The following MYOM3 variants were observed in gnomAD, a reference collection of about 807,000 sequenced individuals.
The protein encoded by MYOM3 is myomesin 3.
Under a neutral mutation model 191.7 loss-of-function variants are expected in MYOM3, and 155 were observed. That is an observed-to-expected ratio of 0.81 (90% confidence interval 0.71 to 0.92). The LOEUF is 0.92. Ranked by LOEUF, MYOM3 falls within the 40% of genes least tolerant of loss-of-function variation. The probability of loss-of-function intolerance (pLI) is 0.00; values close to 1 mark genes in which losing one functional copy is unlikely to be tolerated. For synonymous variants in MYOM3, 757 were observed against 762.9 expected (o/e 0.99, Z 0.13); for missense variants, 1,889 against 1,890.6 (o/e 1.00, Z 0.02).
At chr1:24,100,675 A>G (rs1570885552) in intron 5 of MYOM3, among the ~76,000 whole-genome samples, 1 of 152,180 alleles carries the variant, frequency 6.6e-6, no homozygotes, top group Non-Finnish European at 1.5e-5. Flanking sequence ...TCACGAGGTC[A>G]GGAGCTCGAG....
intron 4 of MYOM3, 61 bp from the exon 5 acceptor site, chr1:24,106,138 C>A: frequency 6.6e-7 from 1 of 1,505,324 alleles, no homozygotes; most frequent in Non-Finnish European, 8.9e-7. Context: ...GCCATCTTTG[C>A]CATTACCTCC....
Position 24,065,938 on chromosome 1 carries a change from C to A in MYOM3, c.3487G>T (p.Gly1163Cys), listed in dbSNP as rs778320314. The change falls in exon 29 of 37, where the codon GGT becomes TGT. Residue 1163 changes from glycine to cysteine, a missense_variant. Coordinates refer to ENST00000374434, the MANE Select transcript of MYOM3 (RefSeq NM_152372.4). Reference sequence around the variant, plus strand: ...GTTCCCGTCTCTGGGTCATACTGACCATCTGGCATCTCTGCCCTCTGGAAG... The same window carrying A: ...GTTCCCGTCTCTGGGTCATACTGACAATCTGGCATCTCTGCCCTCTGGAAG... ...WFFQRAEMPDGQYDPETGTGL... is the reference protein window; with the variant it reads ...WFFQRAEMPDCQYDPETGTGL... 2 of 1,614,162 alleles carry A rather than the reference C, an allele frequency of 1.2e-6. No individual in the cohort carries two copies. The highest frequency in any genetic ancestry group is 8.5e-7 in the Non-Finnish European group (1 of 1,179,996).
chr1:24,064,437 T>G (rs973851083), intron 29 of MYOM3, among the ~76,000 whole-genome samples: 4 of 152,068 alleles, frequency 2.6e-5, no homozygotes, highest in African/African-American at 4.8e-5. Flanking sequence ...ACACCTTCGT[T>G]TGCATTCACA....
At position 24,063,682 on chromosome 1, in the gene MYOM3, T is replaced by C. The variant is rs932494112; in HGVS notation, c.3623-152A>G. 2.3e-6 allele frequency: 2 copies of C among 852,874 alleles called. No individual in the cohort carries two copies. Among genetic ancestry groups the C allele is most frequent in the African/African-American group, 3.4e-5 (2 of 59,648 alleles). The allele number at this position is 852,874 out of a possible 1,614,324, so 52.8% of individuals were successfully genotyped here. On this transcript the variant is annotated intron_variant, in intron 30 of 36. Coordinates refer to ENST00000374434, the MANE Select transcript of MYOM3 (RefSeq NM_152372.4). This position sits in a 1 kb window ranked among gnomAD's most constrained non-coding sequence, Gnocchi z 4.5. ...TAGGATGACTCTCATAGCTTGGGGA[T>C]AGGAGGGGGTTCAGGGCACTCAGCA...
intron 20 of MYOM3, among the ~76,000 whole-genome samples, chr1:24,076,507 C>CTTTTT (rs558326490): frequency 1.3e-3 from 62 of 49,106 alleles, no homozygotes; most frequent in Non-Finnish European, 1.5e-3. Flanking sequence ...CCTAATGTTT[C>CTTTTT]TTTTTTTTTT....
At chr1:24,108,708 C>T in intron 1 of MYOM3, 54 bp from the exon 2 acceptor site, 1 of 1,370,484 alleles carries the variant, frequency 7.3e-7, no homozygotes, top group Non-Finnish European at 9.8e-7. Context: ...TATCCCCTCC[C>T]ATGCAGTCTT....
In MYOM3 at chr1:24,067,057, CT is replaced by C. The variant is rs1351857998; in HGVS notation, c.3386del (p.Lys1129ArgfsTer10). The C allele has an allele frequency of 6.3e-7, 1 of 1,579,672 alleles. No homozygotes were observed. The highest frequency in any genetic ancestry group is 8.6e-7 in the Non-Finnish European group (1 of 1,160,680). On this transcript the variant is annotated frameshift_variant, in exon 28 of 37. Coordinates refer to ENST00000374434, the MANE Select transcript of MYOM3 (RefSeq NM_152372.4). LOFTEE classifies it high-confidence loss of function. Reference protein sequence around the residue: ...GPYFERPLQWKVTEDCQVQLT... With the variant: ...GPYFERPLQWXVTEDCQVQLT... ...GCTGCACTTGGCAGTCCTCCGTGACCTTCCACTGCAACGGCCGCTCAAAATA... is the reference window on the plus strand; with the variant it reads ...GCTGCACTTGGCAGTCCTCCGTGACCTCCACTGCAACGGCCGCTCAAAATA...
chr1:24,107,129 G>A lies in MYOM3; in HGVS notation c.346C>T (p.Leu116=), dbSNP rs1409138228. 6.2e-7 allele frequency: 1 copy of A among 1,612,506 alleles called. No individual in the cohort carries two copies. Among genetic ancestry groups the A allele is most frequent in the Admixed American group, 1.7e-5 (1 of 59,872 alleles). The change falls in exon 4 of 37, where the codon CTG becomes TTG. Residue 116 remains leucine, a synonymous_variant. Transcript: ENST00000374434. Reference sequence around the variant, plus strand: ...TGGCGCAGCAGCCGGTGGGTCTGCAGGAAGGCGATCTCAGTCCTCTCCCAG... The same window carrying A: ...TGGCGCAGCAGCCGGTGGGTCTGCAAGAAGGCGATCTCAGTCCTCTCCCAG... ...NDWERTEIAF[L]QTHRLLRQRR...
At position 24,064,116 on chromosome 1, in the gene MYOM3, TC is replaced by T; in HGVS notation, c.3577del (p.Asp1193ThrfsTer35). 1 of 1,613,948 alleles carries T rather than the reference TC, an allele frequency of 6.2e-7. No individual in the cohort carries two copies. Among genetic ancestry groups the T allele is most frequent in the Non-Finnish European group, 8.5e-7 (1 of 1,179,942 alleles). ...DKGIYRAMVSDDRGEDDTILD... is the reference protein window; with the variant it reads ...DKGIYRAMVSXDRGEDDTILD... ...TATGGTGTCGTCCTCCCCTCGATCG[TC>T]AGAAACCATCGCTCTGTAAATTCCC... On this transcript the variant is annotated frameshift_variant, in exon 30 of 37. Coordinates refer to ENST00000374434, the MANE Select transcript of MYOM3 (RefSeq NM_152372.4). LOFTEE classifies it high-confidence loss of function.
intron 5 of MYOM3, among the ~76,000 whole-genome samples, chr1:24,100,261 C>T (rs1457614327): frequency 1.3e-5 from 2 of 152,166 alleles, no homozygotes; most frequent in African/African-American, 2.4e-5. Context: ...CGTGAAATGG[C>T]GGTATGAGAA....
At chr1:24,084,328 C>T (rs1315767526) in intron 16 of MYOM3, 140 bp downstream of exon 16, 5 of 861,960 alleles carry the variant, frequency 5.8e-6, no homozygotes, top group East Asian at 5.3e-5. Context: ...TTTCCTGAGG[C>T]CTCCCCAGAA....
chr1:24,110,027 G>A (rs1228590684), intron 1 of MYOM3, among the ~76,000 whole-genome samples: 2 of 152,278 alleles, frequency 1.3e-5, no homozygotes, highest in African/African-American at 4.8e-5. Flanking sequence ...AGGCAAACGA[G>A]GGGTGTGGGA....
intron 25 of MYOM3, 89 bp downstream of exon 25, chr1:24,071,028 G>A: frequency 6.8e-7 from 1 of 1,473,018 alleles, no homozygotes; most frequent in Non-Finnish European, 9.3e-7. Flanking sequence ...CCACTAGGGG[G>A]AAGTACCAGC....
At chr1:24,091,450 C>G (rs1643826755) in intron 11 of MYOM3, among the ~76,000 whole-genome samples, 1 of 152,172 alleles carries the variant, frequency 6.6e-6, no homozygotes, top group South Asian at 2.1e-4. Flanking sequence ...TCTCTGTACC[C>G]TCTTGGTACC....
chr1:24,102,961 T>C (rs760774737), intron 5 of MYOM3, among the ~76,000 whole-genome samples: 4 of 152,200 alleles, frequency 2.6e-5, no homozygotes, highest in Non-Finnish European at 5.9e-5. Context: ...GGGCAACATG[T>C]GGCCCTGCCT....
chr1:24,084,451 C>T lies in MYOM3; in HGVS notation c.1970+17G>A, dbSNP rs373713417. 137 of 1,613,656 alleles carry T rather than the reference C, an allele frequency of 8.5e-5. 1 individual carries two copies. The highest frequency in any genetic ancestry group is 7.4e-4 in the East Asian group (33 of 44,868). ...ATAGCAGTGTGAGAACAGACTGATA[C>T]GGGTGGGCAGACGTACCTGGTGCCT... On this transcript the variant is annotated intron_variant, in intron 16 of 36. Transcript: ENST00000374434.
intron 10 of MYOM3, among the ~76,000 whole-genome samples, chr1:24,092,689 G>C (rs1643855031): frequency 6.6e-6 from 1 of 152,130 alleles, no homozygotes; most frequent in Non-Finnish European, 1.5e-5. Context: ...CTAAGCAGTG[G>C]CCAGAATCAC....
intron 4 of MYOM3, 129 bp from the exon 5 acceptor site, chr1:24,106,206 C>G (rs1643982182): frequency 2.8e-6 from 3 of 1,088,606 alleles, no homozygotes; most frequent in South Asian, 3.4e-5. Context: ...CCGGTCCCCT[C>G]CCCTAGCTGA....
intron 25 of MYOM3, among the ~76,000 whole-genome samples, chr1:24,068,626 A>T (rs1200101843): frequency 6.6e-6 from 1 of 152,060 alleles, no homozygotes; most frequent in East Asian, 1.9e-4. Flanking sequence ...TGGAGCGATC[A>T]GTTACAATTT....
Sources: gnomAD v4.1 joint callset for allele counts (sites outside exome capture counted in the v4.1 genomes callset) on GRCh38, gnomAD v4.1.1 for gene constraint, Gnocchi (gnomAD v3.1) non-coding constraint, MANE v1.5 for transcripts, NCBI Gene and HGNC (gene_info 2026-07-23, HGNC 2026-07-21) for gene names.